The following ESR1 variants were observed in gnomAD, a reference collection of about 807,000 sequenced individuals.
The protein encoded by ESR1 is estrogen receptor 1.
A neutral mutation model predicts 52.7 loss-of-function variants in ESR1; 12 were observed. That is an observed-to-expected ratio of 0.23 (90% CI 0.15 to 0.37). The LOEUF (loss-of-function observed/expected upper bound fraction) is 0.37, where lower values mean the gene tolerates loss of function less well. Ranked by LOEUF, ESR1 falls within the 10% of genes least tolerant of loss-of-function variation. The pLI is 1.00. For synonymous variants in ESR1, 305 were observed against 316.8 expected, an observed-to-expected ratio of 0.96 and a Z score of 0.39; for missense variants, 584 against 779.7, an observed-to-expected ratio of 0.75 and a Z score of 2.99.
At chr6:152,095,347 T>C (rs2050521822) in intron 7 of ESR1, among the ~76,000 whole-genome samples, 2 of 152,186 alleles carry the variant, frequency 1.3e-5, no homozygotes, top group Non-Finnish European at 2.9e-5. Context: ...GTTGGATGAG[T>C]CATCGGGGGG....
chr6:152,115,367 G>T (rs2051198578), intron 6 of ESR1, among the ~76,000 whole-genome samples: 1 of 152,114 alleles, frequency 6.6e-6, no homozygotes, highest in Non-Finnish European at 1.5e-5. Context: ...ACAACAGGGG[G>T]CCTCTCTGTC....
chr6:151,749,970 T>A (rs1783779273), intron 2 of ESR1, among the ~76,000 whole-genome samples: 1 of 152,194 alleles, frequency 6.6e-6, no homozygotes, highest in East Asian at 1.9e-4. Context: ...GAAATACAAT[T>A]TATGTAAGGT....
chr6:151,715,904 G>A (rs1780996289), intron 2 of ESR1, among the ~76,000 whole-genome samples: 1 of 152,162 alleles, frequency 6.6e-6, no homozygotes, highest in Non-Finnish European at 1.5e-5. Flanking sequence ...TCCTTTGGAG[G>A]AGAAGAGGTG....
At chr6:151,956,826 AT>A (rs2036987485) in intron 4 of ESR1, among the ~76,000 whole-genome samples, 1 of 47,884 alleles carries the variant, frequency 2.1e-5, no homozygotes, top group South Asian at 4.4e-4. Flanking sequence ...ATATAAAAAT[AT>A]ATATAAATAT....
intron 1 of ESR1, among the ~76,000 whole-genome samples, chr6:151,819,228 G>A (rs566686809): frequency 1.3e-5 from 2 of 152,066 alleles, no homozygotes; most frequent in Admixed American, 6.5e-5. Flanking sequence ...ACCTTTTCCC[G>A]GTACCTTTAC....
intron 4 of ESR1, among the ~76,000 whole-genome samples, chr6:151,946,505 T>C (rs1218408779): frequency 1.3e-5 from 2 of 152,144 alleles, no homozygotes; most frequent in South Asian, 2.1e-4. Context: ...AGGCTAGCAA[T>C]AGTTAAAATA....
rs1443736905 is a variant in ESR1 at position 151,709,117 on chromosome 6, C to A, written c.-71+7112C>A. Among the ~76,000 whole-genome samples, 3 of 152,022 alleles carry A rather than the reference C, an allele frequency of 2.0e-5. No individual in the cohort carries two copies. The East Asian group carries it at 5.8e-4, about 29-fold the overall frequency. On this transcript the variant is annotated intron_variant, in intron 2 of 2. Coordinates refer to the ESR1 transcript ENST00000404742. The stretch of plus-strand genomic sequence containing the variant: ...ATCCTTTGACCAATGTCTTTCCAAC[C>A]CTCACCTCCCACCCCTCTGCCCGAC...
chr6:152,014,523 C>T (rs1318160173), intron 5 of ESR1, among the ~76,000 whole-genome samples: 7 of 152,112 alleles, frequency 4.6e-5, no homozygotes, highest in Admixed American at 4.6e-4. Flanking sequence ...TGCAACAAGT[C>T]TATTCCTTTT....
intron 2 of ESR1, among the ~76,000 whole-genome samples, chr6:151,784,110 A>G (rs970665152): frequency 2.6e-5 from 4 of 152,166 alleles, no homozygotes; most frequent in Non-Finnish European, 5.9e-5. Context: ...TCTCCTCTGT[A>G]AAGTCCTTCC....
chr6:151,814,494 A>G (rs561950366), intron 1 of ESR1, among the ~76,000 whole-genome samples: 1 of 151,430 alleles, frequency 6.6e-6, no homozygotes, highest in East Asian at 2.0e-4. Flanking sequence ...TTATTTCTTT[A>G]TTGACCTGTC....
intron 6 of ESR1, among the ~76,000 whole-genome samples, chr6:152,080,723 G>A (rs1363304049): frequency 6.6e-6 from 1 of 152,052 alleles, no homozygotes; most frequent in Non-Finnish European, 1.5e-5. Flanking sequence ...TGGATAAAGA[G>A]TCAAGACTGT....
chr6:151,807,937 G>C lies in ESR1; in HGVS notation c.25G>C (p.Ala9Pro), dbSNP rs1459388709. 6.2e-7 allele frequency: 1 copy of C among 1,613,982 alleles called. No individual in the cohort carries two copies. The highest frequency in any genetic ancestry group is 8.5e-7 in the Non-Finnish European group (1 of 1,179,986). Residue 9 changes from alanine to proline, a missense_variant, in exon 1 of 8, where the codon GCA becomes CCA. Ala to Pro is a conservative substitution (Grantham distance 27). This residue lies in a region of ESR1 where 251 missense variants were observed against 246.1 expected (regional missense o/e 1.02). Coordinates refer to ENST00000206249, the MANE Select transcript of ESR1 (RefSeq NM_000125.4). ...CATGACCATGACCCTCCACACCAAAGCATCTGGGATGGCCCTACTGCATCA... is the reference window on the plus strand; with the variant it reads ...CATGACCATGACCCTCCACACCAAACCATCTGGGATGGCCCTACTGCATCA... MTMTLHTK[A>P]SGMALLHQIQ...
chr6:151,804,945 C>T (rs1054742126), upstream of ESR1: 10 of 152,198 alleles, frequency 6.6e-5, no homozygotes, highest in African/African-American at 2.2e-4. Context: ...TGAGAGACCT[C>T]GTTCCCAATC....
At chr6:151,921,535 A>T (rs1209197136) in intron 3 of ESR1, among the ~76,000 whole-genome samples, 1 of 152,114 alleles carries the variant, frequency 6.6e-6, no homozygotes, top group Non-Finnish European at 1.5e-5. Flanking sequence ...GGTTGAACTA[A>T]TTAATTTACA....
At chr6:151,979,360 T>G (rs942351327) in intron 4 of ESR1, among the ~76,000 whole-genome samples, 24 of 152,246 alleles carry the variant, frequency 1.6e-4, no homozygotes, top group African/African-American at 5.5e-4. Context: ...AGAACAAAAT[T>G]GGTTTAAATT....
chr6:151,872,299 A>G (rs901890571), intron 2 of ESR1, among the ~76,000 whole-genome samples: 1 of 152,116 alleles, frequency 6.6e-6, no homozygotes, highest in African/African-American at 2.4e-5. Flanking sequence ...CCCTGTCCCA[A>G]TTCAGATCTT....
chr6:151,903,535 C>T (rs1796997059), intron 3 of ESR1, among the ~76,000 whole-genome samples: 2 of 152,350 alleles, frequency 1.3e-5, no homozygotes, highest in Admixed American at 6.5e-5. Context: ...ACCCCATCTA[C>T]ACTAGGCTTT....
intron 2 of ESR1, among the ~76,000 whole-genome samples, chr6:151,790,542 T>A (rs914088709): frequency 2.0e-5 from 3 of 151,840 alleles, no homozygotes; most frequent in Non-Finnish European, 4.4e-5. Context: ...GTATGCTTGA[T>A]GTGTGAGAGA....
At chr6:151,919,313 A>G (rs4305732) in intron 3 of ESR1, among the ~76,000 whole-genome samples, 78,655 of 152,130 alleles carry the variant, frequency 0.52, 22,461 homozygotes, top group Middle Eastern at 0.73. Flanking sequence ...ACAAAAATGT[A>G]ATGTGCATTT....
Sources: gnomAD v4.1 joint callset for allele counts (sites outside exome capture counted in the v4.1 genomes callset) on GRCh38, gnomAD v4.1.1 for gene constraint, gnomAD v4.1.1 regional missense constraint, MANE v1.5 for transcripts, NCBI Gene and HGNC (gene_info 2026-07-23, HGNC 2026-07-21) for gene names.